NRXN3: variants seen among roughly 807,000 people sequenced by gnomAD.
The protein encoded by NRXN3 is neurexin 3, also known as neurexin III.
Under a neutral mutation model 137.6 loss-of-function variants are expected in NRXN3, and 32 were observed. The ratio of observed to expected loss-of-function variants is 0.23; its 90% CI spans 0.18 to 0.31. The LOEUF is 0.31. Ranked by LOEUF, NRXN3 falls within the 10% of genes least tolerant of loss-of-function variation. The pLI, the probability that NRXN3 is intolerant of heterozygous loss-of-function variation, is 1.00. For missense variants in NRXN3, 1,574 were observed against 2,062.5 expected, an observed-to-expected ratio of 0.76 and a Z score of 4.59; for synonymous variants, 798 against 784.5, an observed-to-expected ratio of 1.02 and a Z score of -0.29.
At chr14:78,960,737 C>T (rs2099406516) in intron 11 of NRXN3, among the ~76,000 whole-genome samples, 1 of 152,164 alleles carries the variant, frequency 6.6e-6, no homozygotes, top group Admixed American at 6.6e-5. Flanking sequence ...AAAACTTGCC[C>T]TTGCTAGTAG....
In NRXN3 at chr14:79,382,798, C is replaced by G. The variant is rs190002081; in HGVS notation, c.3263-84423C>G. Among the ~76,000 whole-genome samples, 135 of 152,190 alleles carry G rather than the reference C, an allele frequency of 8.9e-4. 1 individual carries two copies. The highest frequency in any genetic ancestry group is 3.1e-3 in the African/African-American group (130 of 41,530). ...TTACCATCAAAAAAATAAAATAAAA[C>G]AAGCATCAATATTTACAAATGAAGA... On this transcript the variant is annotated intron_variant, in intron 15 of 20. Transcript: ENST00000335750.
chr14:79,060,684 A>G (rs1182922475), intron 15 of NRXN3, among the ~76,000 whole-genome samples: 1 of 152,160 alleles, frequency 6.6e-6, no homozygotes, highest in African/African-American at 2.4e-5. Flanking sequence ...AGGGTAAGTT[A>G]TTTAACTTCT....
At chr14:79,254,211 GC>G (rs1269509344) in intron 15 of NRXN3, among the ~76,000 whole-genome samples, 1 of 152,154 alleles carries the variant, frequency 6.6e-6, no homozygotes, top group Admixed American at 6.5e-5. Context: ...AGATTGTTAG[GC>G]TGATCCATGC....
chr14:78,905,110 G>A (rs2152756967), intron 10 of NRXN3, among the ~76,000 whole-genome samples: 1 of 152,098 alleles, frequency 6.6e-6, no homozygotes, highest in Non-Finnish European at 1.5e-5. Flanking sequence ...GATTTGGCCT[G>A]CACCCTGTCA....
At chr14:79,634,381 G>T (rs142032932) in intron 16 of NRXN3, among the ~76,000 whole-genome samples, 3 of 152,130 alleles carry the variant, frequency 2.0e-5, no homozygotes, top group Non-Finnish European at 1.5e-5. Context: ...GATAGGTTAC[G>T]TATGGAAAAA....
intron 15 of NRXN3, among the ~76,000 whole-genome samples, chr14:79,378,876 T>TA (rs66538778): frequency 0.014 from 2,070 of 143,554 alleles, 38 homozygotes; most frequent in African/African-American, 0.047. Context: ...TGAACAGATT[T>TA]AAAAAAAAAA....
intron 16 of NRXN3, among the ~76,000 whole-genome samples, chr14:79,495,319 C>G (rs551997507): frequency 3.3e-5 from 5 of 152,358 alleles, no homozygotes; most frequent in Admixed American, 2.0e-4. Context: ...CTTCCTTTAT[C>G]CCTTAGGTAC....
intron 15 of NRXN3, among the ~76,000 whole-genome samples, chr14:79,095,519 C>T (rs2152822364): frequency 6.6e-6 from 1 of 151,732 alleles, no homozygotes; most frequent in South Asian, 2.1e-4. Flanking sequence ...TACATTTATT[C>T]ATCTCTGAAT....
At chr14:78,712,080 G>A (rs1039801659) in intron 7 of NRXN3, among the ~76,000 whole-genome samples, 13 of 152,154 alleles carry the variant, frequency 8.5e-5, no homozygotes, top group Non-Finnish European at 2.9e-5. Flanking sequence ...AACTGTTATG[G>A]TCACACATTC....
chr14:78,563,316 G>A (rs572347648), intron 4 of NRXN3, among the ~76,000 whole-genome samples: 1 of 152,330 alleles, frequency 6.6e-6, no homozygotes, highest in African/African-American at 2.4e-5. Flanking sequence ...AGGAGTCATG[G>A]TTTATTGGGG....
chr14:79,505,119 G>A (rs2096864745), intron 16 of NRXN3, among the ~76,000 whole-genome samples: 1 of 151,762 alleles, frequency 6.6e-6, no homozygotes, highest in South Asian at 2.1e-4. Context: ...GGAGGCCGAG[G>A]CAGGAGAATC....
At chr14:79,565,308 TACACAC>T (rs1234959996) in intron 16 of NRXN3, among the ~76,000 whole-genome samples, 2 of 132,696 alleles carry the variant, frequency 1.5e-5, no homozygotes, top group African/African-American at 5.3e-5. Context: ...TATATACATA[TACACAC>T]ACATGTGTGT....
At chr14:79,139,040 T>C (rs761231807) in intron 15 of NRXN3, among the ~76,000 whole-genome samples, 40 of 152,296 alleles carry the variant, frequency 2.6e-4, no homozygotes, top group Non-Finnish European at 5.4e-4. Flanking sequence ...GTTCTTTTCA[T>C]CCCTGCAATT....
intron 15 of NRXN3, chr14:79,280,167 C>T: frequency 6.6e-7 from 1 of 1,508,582 alleles, no homozygotes; most frequent in Non-Finnish European, 8.8e-7. Context: ...CATATTGCTT[C>T]CCTCTTCCCC....
chr14:78,552,530 A>G (rs920030029), intron 4 of NRXN3, among the ~76,000 whole-genome samples: 2 of 152,174 alleles, frequency 1.3e-5, no homozygotes, highest in African/African-American at 2.4e-5. Flanking sequence ...GCCAAGTATG[A>G]TGGTGCACGC....
chr14:79,409,567 A>G (rs560084053), intron 15 of NRXN3, among the ~76,000 whole-genome samples: 3 of 146,838 alleles, frequency 2.0e-5, no homozygotes, highest in African/African-American at 5.0e-5. Flanking sequence ...TTGTTTGTCA[A>G]TTGAAAAATG....
intron 15 of NRXN3, among the ~76,000 whole-genome samples, chr14:79,356,293 T>G (rs2093419877): frequency 6.6e-6 from 1 of 151,888 alleles, no homozygotes; most frequent in East Asian, 1.9e-4. Flanking sequence ...TGTGTGGGGG[T>G]GTGTTATTTA....
rs75130296 is a variant in NRXN3 at position 78,530,519 on chromosome 14, G to T, written c.758-114601G>T. ...GCCCTGGAAATTGATATCTTCTTCTGAGTTTGGCTTAACAGGGGAACCACC... is the reference window on the plus strand; with the variant it reads ...GCCCTGGAAATTGATATCTTCTTCTTAGTTTGGCTTAACAGGGGAACCACC... On this transcript the variant is annotated intron_variant, in intron 4 of 20. Coordinates refer to ENST00000335750, the MANE Select transcript of NRXN3 (RefSeq NM_001330195.2). 4.7e-3 allele frequency among the ~76,000 whole-genome samples: 720 copies of T among 152,320 alleles called. 42 individuals are homozygous for T. The East Asian group carries it at 0.096, about 20-fold the overall frequency.
intron 15 of NRXN3, among the ~76,000 whole-genome samples, chr14:79,443,175 G>A (rs927851713): frequency 6.6e-6 from 1 of 152,202 alleles, no homozygotes; most frequent in Non-Finnish European, 1.5e-5. Context: ...GACCCTTAGA[G>A]TTCATGTATT....
Sources: gnomAD v4.1 joint callset for allele counts (sites outside exome capture counted in the v4.1 genomes callset) on GRCh38, gnomAD v4.1.1 for gene constraint, MANE v1.5 for transcripts, NCBI Gene and HGNC (gene_info 2026-07-23, HGNC 2026-07-21) for gene names.